The following MARCHF6 variants were observed in gnomAD, a reference collection of about 807,000 sequenced individuals.
The protein encoded by MARCHF6 is E3 ubiquitin-protein ligase MARCHF6.
A neutral mutation model predicts 133.7 loss-of-function variants in MARCHF6; 31 were observed. The observed-to-expected ratio is 0.23, with a 90% CI of 0.17 to 0.31. The LOEUF is 0.31. Ranked by LOEUF, MARCHF6 falls within the 10% of genes least tolerant of loss-of-function variation. MARCHF6 has a pLI of 1.00. For missense variants in MARCHF6, 723 were observed against 1,121.6 expected (o/e 0.64, Z 5.08); for synonymous variants, 395 against 402.5 (o/e 0.98, Z 0.22).
chr5:10,355,866 C>G (rs1457393657), intron 1 of MARCHF6, among the ~76,000 whole-genome samples: 1 of 152,184 alleles, frequency 6.6e-6, no homozygotes. Flanking sequence ...TGAGTGTATA[C>G]TACAAGTCCA....
intron 1 of MARCHF6, among the ~76,000 whole-genome samples, chr5:10,354,826 T>C (rs2126624059): frequency 6.6e-6 from 1 of 152,308 alleles, no homozygotes; most frequent in African/African-American, 2.4e-5. Flanking sequence ...TTCAACCTTA[T>C]GGGTTGCGAT....
At position 10,440,060 on chromosome 5, in the gene MARCHF6, T is replaced by C. The variant is rs1740799519; in HGVS notation, c.*6376T>C. 2.6e-5 allele frequency: 4 copies of C among 152,266 alleles called. No homozygotes were observed. Among genetic ancestry groups the C allele is most frequent in the African/African-American group, 7.2e-5 (3 of 41,474 alleles). 9.4% of individuals were successfully genotyped at this position (152,266 alleles called of 1,614,324 possible). ...TTGTACTCCCGGCTCTCTTTTGTAC[T>C]TTTAAACATACTATATGGTTTACCT... On this transcript the variant is annotated 3_prime_UTR_variant, in exon 26 of 26. Coordinates refer to ENST00000274140, the MANE Select transcript of MARCHF6 (RefSeq NM_005885.4).
intron 19 of MARCHF6, 62 bp downstream of exon 19, chr5:10,411,599 T>A: frequency 7.2e-7 from 1 of 1,393,198 alleles, no homozygotes; most frequent in Non-Finnish European, 9.8e-7. Context: ...TTCTCCAAAT[T>A]GCTGTTGAGA....
intron 16 of MARCHF6, among the ~76,000 whole-genome samples, chr5:10,406,050 G>C (rs1203098877): frequency 6.6e-6 from 1 of 152,144 alleles, no homozygotes; most frequent in Non-Finnish European, 1.5e-5. Context: ...ATCAGCCTTG[G>C]CGTTAGATTC....
chr5:10,355,370 A>G (rs1386547099), intron 1 of MARCHF6, among the ~76,000 whole-genome samples: 1 of 152,210 alleles, frequency 6.6e-6, no homozygotes, highest in Non-Finnish European at 1.5e-5. Context: ...CTAGTAAGGC[A>G]TGTATTTATC....
At chr5:10,366,059 A>G (rs762189895) in intron 1 of MARCHF6, among the ~76,000 whole-genome samples, 3 of 152,042 alleles carry the variant, frequency 2.0e-5, no homozygotes, top group Admixed American at 1.3e-4. Flanking sequence ...CAGCCTCCTG[A>G]GTAGCTGGGA....
intron 22 of MARCHF6, among the ~76,000 whole-genome samples, chr5:10,420,508 CAG>C (rs1228718535): frequency 6.6e-6 from 1 of 152,200 alleles, no homozygotes; most frequent in Non-Finnish European, 1.5e-5. Context: ...ATGGGACAAA[CAG>C]ATACTATCTG....
At chr5:10,382,035 GAT>G (rs2126705245) in intron 4 of MARCHF6, 92 bp downstream of exon 4, 1 of 1,256,884 alleles carries the variant, frequency 8.0e-7, no homozygotes, top group Non-Finnish European at 1.1e-6. Context: ...TTATTTGACT[GAT>G]GTTTAGTTAT....
chr5:10,401,919 A>G, intron 11 of MARCHF6, 140 bp from the exon 12 acceptor site: 2 of 614,034 alleles, frequency 3.3e-6, no homozygotes, highest in South Asian at 4.4e-5. Context: ...ATGTCATCCA[A>G]AGCAGATTTT....
rs1044726243 is a variant in MARCHF6 at position 10,381,921 on chromosome 5, G to A, written c.312G>A (p.Leu104=). The change falls in exon 4 of 26, where the codon TTG becomes TTA. Residue 104 remains leucine (L), a synonymous_variant. Coordinates refer to ENST00000274140, the MANE Select transcript of MARCHF6 (RefSeq NM_005885.4). The part of the protein sequence containing the change: ...FHYTLVAFAW[L]GVVPLTACRI... Reference sequence around the variant, plus strand: ...ATACACTTGTGGCCTTTGCATGGTTGGGAGTTGTTCCTCTTACAGCATGTG... The same window carrying A: ...ATACACTTGTGGCCTTTGCATGGTTAGGAGTTGTTCCTCTTACAGCATGTG... 6 of 1,613,350 alleles carry A rather than the reference G, an allele frequency of 3.7e-6. No individual in the cohort carries two copies. Among genetic ancestry groups the A allele is most frequent in the Non-Finnish European group, 5.1e-6 (6 of 1,179,774 alleles).
chr5:10,405,697 G>GTT lies in MARCHF6; in HGVS notation c.1452+31_1452+32dup, dbSNP rs376029502. ...TCAGTGGTAAGAAGATGTTTCCATT[G>GTT]TTTTTTTTTTTTGAATTAATTGTGC... On this transcript the variant is annotated intron_variant, in intron 16 of 25. Coordinates refer to ENST00000274140, the MANE Select transcript of MARCHF6 (RefSeq NM_005885.4). 625 of 1,183,478 alleles carry GTT rather than the reference G, an allele frequency of 5.3e-4. No individual in the cohort carries two copies. Among genetic ancestry groups the GTT allele is most frequent in the South Asian group, 1.3e-3 (80 of 62,030 alleles). 73.3% of individuals were successfully genotyped at this position (1,183,478 alleles called of 1,614,324 possible). A position where few individuals can be genotyped will look rare whatever the true frequency, so the allele number is the denominator to read the frequency against.
intron 23 of MARCHF6, among the ~76,000 whole-genome samples, chr5:10,424,612 C>T (rs923401045): frequency 6.6e-6 from 1 of 152,174 alleles, no homozygotes; most frequent in African/African-American, 2.4e-5. Context: ...TAACCAGTAG[C>T]TTACGGTATC....
At chr5:10,363,363 A>G (rs959240074) in intron 1 of MARCHF6, among the ~76,000 whole-genome samples, 1 of 152,228 alleles carries the variant, frequency 6.6e-6, no homozygotes, top group Non-Finnish European at 1.5e-5. Flanking sequence ...ATTTGTATAG[A>G]CACTTCACTA....
At chr5:10,383,246 C>T (rs771326022) in intron 4 of MARCHF6, among the ~76,000 whole-genome samples, 1 of 152,092 alleles carries the variant, frequency 6.6e-6, no homozygotes, top group African/African-American at 2.4e-5. Flanking sequence ...CAAATAGTTA[C>T]AAGTATGAGA....
intron 1 of MARCHF6, 82 bp downstream of exon 1, chr5:10,353,999 G>GT: frequency 7.1e-7 from 1 of 1,401,432 alleles, no homozygotes; most frequent in Non-Finnish European, 9.4e-7. Context: ...CGCTCGAGGT[G>GT]GGCTGCTGGA....
chr5:10,369,603 A>ACC (rs58947018), intron 1 of MARCHF6, among the ~76,000 whole-genome samples: 281 of 26,480 alleles, frequency 0.011, 12 homozygotes, highest in East Asian at 0.028. Context: ...TAGTTCCATT[A>ACC]CCCCCCCCCC....
At chr5:10,424,502 C>T (rs1259964930) in intron 23 of MARCHF6, among the ~76,000 whole-genome samples, 2 of 152,200 alleles carry the variant, frequency 1.3e-5, no homozygotes, top group African/African-American at 4.8e-5. Flanking sequence ...CAAAACAATC[C>T]TTATGCCTAA....
chr5:10,396,914 C>T (rs1738227099), intron 9 of MARCHF6, among the ~76,000 whole-genome samples: 1 of 152,188 alleles, frequency 6.6e-6, no homozygotes, highest in South Asian at 2.1e-4. Flanking sequence ...TTGACGTTAA[C>T]ATGATGTTTA....
At chr5:10,398,343 A>G (rs1051679960) in intron 10 of MARCHF6, among the ~76,000 whole-genome samples, 15 of 152,216 alleles carry the variant, frequency 9.9e-5, no homozygotes, top group African/African-American at 2.7e-4. Flanking sequence ...GATGAGACCA[A>G]AAATTGATTT....
Sources: gnomAD v4.1 joint callset for allele counts (sites outside exome capture counted in the v4.1 genomes callset) on GRCh38, gnomAD v4.1.1 for gene constraint, MANE v1.5 for transcripts, NCBI Gene and HGNC (gene_info 2026-07-23, HGNC 2026-07-21) for gene names.